Variants in TLL1 observed in about 807,000 individuals in gnomAD.
TLL1 encodes tolloid like 1.
In TLL1, 49 loss-of-function variants were observed where a neutral mutation model predicts 128.2. The observed-to-expected ratio is 0.38, with a 90% confidence interval of 0.30 to 0.48. The LOEUF (loss-of-function observed/expected upper bound fraction) is 0.48, where lower values mean the gene tolerates loss of function less well. Among genes scored for constraint, TLL1 ranks in the 20% least tolerant of loss-of-function variants. TLL1 has a pLI of 0.96. For synonymous variants in TLL1, 454 were observed against 418.8 expected (o/e 1.08, Z -1.03); for missense variants, 1,123 against 1,242.0 (o/e 0.90, Z 1.44).
At chr4:166,075,930 T>A (rs1741001414) in intron 17 of TLL1, among the ~76,000 whole-genome samples, 1 of 152,214 alleles carries the variant, frequency 6.6e-6, no homozygotes, top group Non-Finnish European at 1.5e-5. Flanking sequence ...CTAATTACAT[T>A]GTGCAGAATC....
intron 16 of TLL1, among the ~76,000 whole-genome samples, chr4:166,069,181 G>T (rs899095223): frequency 1.3e-5 from 2 of 151,658 alleles, no homozygotes; most frequent in African/African-American, 4.8e-5. Context: ...GTATTTAATT[G>T]AGTTAAATTC....
chr4:165,933,943 CTGTT>C (rs1015511041), intron 1 of TLL1, among the ~76,000 whole-genome samples: 1 of 152,108 alleles, frequency 6.6e-6, no homozygotes, highest in African/African-American at 2.4e-5. Context: ...GTTCTCCTTT[CTGTT>C]TTACTGGAAA....
At chr4:165,929,656 A>T (rs2110902868) in intron 1 of TLL1, among the ~76,000 whole-genome samples, 1 of 152,334 alleles carries the variant, frequency 6.6e-6, no homozygotes, top group Non-Finnish European at 1.5e-5. Context: ...AAATATCCAG[A>T]TATAAAAAGA....
At chr4:165,919,965 C>T (rs1383408459) in intron 1 of TLL1, 3 of 381,406 alleles carry the variant, frequency 7.9e-6, no homozygotes, top group East Asian at 1.6e-4. Context: ...ATTTGGGGGG[C>T]TAAATCCCTT....
At chr4:165,940,383 G>T (rs1035766172) in intron 1 of TLL1, among the ~76,000 whole-genome samples, 31 of 151,742 alleles carry the variant, frequency 2.0e-4, no homozygotes, top group African/African-American at 7.5e-4. Context: ...GAGTTATACA[G>T]TGCACATTCG....
At chr4:166,058,703 C>A (rs1740145510) in intron 14 of TLL1, among the ~76,000 whole-genome samples, 1 of 152,060 alleles carries the variant, frequency 6.6e-6, no homozygotes, top group South Asian at 2.1e-4. Context: ...CTGCAAAATT[C>A]ATCTTCATAG....
chr4:165,927,332 C>T, intron 1 of TLL1, among the ~76,000 whole-genome samples: 1 of 152,154 alleles, frequency 6.6e-6, no homozygotes, highest in East Asian at 1.9e-4. Context: ...AGTTTAAAGT[C>T]AAGCTAAAGT....
Position 166,087,846 on chromosome 4 carries a change from G to C in TLL1, c.2443-3282G>C, listed in dbSNP as rs143132207. Among the ~76,000 whole-genome samples, 974 of 152,184 alleles carry C rather than the reference G, an allele frequency of 6.4e-3. 9 individuals are homozygous for C. Among genetic ancestry groups the C allele is most frequent in the African/African-American group, 0.022 (915 of 41,540 alleles). Reference sequence around the variant, plus strand: ...TTATTATTTCCACAGCCTATAACGAGAGTTCAATTTTATTTCTTTTGAATT... The same window carrying C: ...TTATTATTTCCACAGCCTATAACGACAGTTCAATTTTATTTCTTTTGAATT... On this transcript the variant is annotated intron_variant, in intron 18 of 20. Coordinates refer to ENST00000061240, the MANE Select transcript of TLL1 (RefSeq NM_012464.5).
At chr4:165,946,294 A>G (rs1031725479) in intron 1 of TLL1, among the ~76,000 whole-genome samples, 1 of 151,996 alleles carries the variant, frequency 6.6e-6, no homozygotes, top group African/African-American at 2.4e-5. Flanking sequence ...GCCAAGACCG[A>G]CAGGAGTTGT....
intron 20 of TLL1, 100 bp from the exon 21 acceptor site, chr4:166,100,642 A>G (rs533794695): frequency 1.3e-6 from 2 of 1,488,338 alleles, no homozygotes; most frequent in East Asian, 2.3e-5. Flanking sequence ...GGATTAAATT[A>G]TATTCCAAAG....
chr4:166,013,122 C>T (rs1289069281), intron 7 of TLL1, among the ~76,000 whole-genome samples: 1 of 151,732 alleles, frequency 6.6e-6, no homozygotes, highest in Non-Finnish European at 1.5e-5. Context: ...CTGATCTTCA[C>T]TTTCTTCATG....
At chr4:165,975,836 G>A (rs1410283700) in intron 1 of TLL1, among the ~76,000 whole-genome samples, 2 of 151,802 alleles carry the variant, frequency 1.3e-5, no homozygotes, top group Non-Finnish European at 2.9e-5. Flanking sequence ...TCAGGAGTTC[G>A]AGACCAGCCT....
At chr4:166,095,157 A>G (rs1741962886) in intron 19 of TLL1, among the ~76,000 whole-genome samples, 2 of 152,072 alleles carry the variant, frequency 1.3e-5, no homozygotes, top group African/African-American at 4.8e-5. Context: ...TCTGTATACA[A>G]TTTTAATTTT....
chr4:166,020,941 TAAAC>T (rs927455488), intron 8 of TLL1, among the ~76,000 whole-genome samples: 8 of 152,198 alleles, frequency 5.3e-5, no homozygotes, highest in African/African-American at 1.7e-4. Flanking sequence ...CTACTTTTAA[TAAAC>T]AAAGAATACT....
chr4:165,915,760 T>C (rs1732749347), intron 1 of TLL1, among the ~76,000 whole-genome samples: 1 of 152,132 alleles, frequency 6.6e-6, no homozygotes, highest in Non-Finnish European at 1.5e-5. Context: ...TCAGCAGGAA[T>C]TGTAATTCCT....
intron 1 of TLL1, among the ~76,000 whole-genome samples, chr4:165,894,231 A>G (rs1731557776): frequency 6.6e-6 from 1 of 152,166 alleles, no homozygotes; most frequent in South Asian, 2.1e-4. Flanking sequence ...AAGTACAAGG[A>G]ACATGAAGAA....
At chr4:166,015,389 G>C (rs1469949876) in intron 8 of TLL1, among the ~76,000 whole-genome samples, 1 of 151,928 alleles carries the variant, frequency 6.6e-6, no homozygotes, top group Non-Finnish European at 1.5e-5. Flanking sequence ...AACTATAAAA[G>C]TTTTAATTGG....
chr4:165,944,392 T>G (rs1734150470), intron 1 of TLL1, among the ~76,000 whole-genome samples: 1 of 152,138 alleles, frequency 6.6e-6, no homozygotes, highest in Non-Finnish European at 1.5e-5. Context: ...TAACATCTTA[T>G]GCAAAGTTCC....
chr4:166,056,181 A>C (rs1184496610), intron 13 of TLL1, among the ~76,000 whole-genome samples: 1 of 151,974 alleles, frequency 6.6e-6, no homozygotes, highest in East Asian at 1.9e-4. Flanking sequence ...ACATGTTTGA[A>C]ATTTTCTGTA....
Sources: gnomAD v4.1 joint callset for allele counts (sites outside exome capture counted in the v4.1 genomes callset) on GRCh38, gnomAD v4.1.1 for gene constraint, MANE v1.5 for transcripts, NCBI Gene and HGNC (gene_info 2026-07-23, HGNC 2026-07-21) for gene names.